The following SCNN1B variants were observed in gnomAD, a reference collection of about 807,000 sequenced individuals.
SCNN1B encodes the protein epithelial sodium channel subunit beta.
Under a neutral mutation model 65.3 loss-of-function variants are expected in SCNN1B, and 46 were observed. The ratio of observed to expected loss-of-function variants is 0.70; its 90% CI spans 0.56 to 0.90. SCNN1B has a LOEUF of 0.90. Among genes scored for constraint, SCNN1B ranks in the 40% least tolerant of loss-of-function variants. SCNN1B has a pLI of 0.00. For missense variants in SCNN1B, 751 were observed against 830.5 expected (o/e 0.90, Z 1.18); for synonymous variants, 349 against 330.6 (o/e 1.06, Z -0.60).
At position 23,370,446 on chromosome 16, in the gene SCNN1B, G is replaced by A. The variant is rs532828816; in HGVS notation, c.881-853G>A. Among the ~76,000 whole-genome samples the A allele has an allele frequency of 7.2e-5, 11 of 152,254 alleles. No individual in the cohort carries two copies. The South Asian group carries it at 1.2e-3, about 17-fold the overall frequency. On this transcript the variant is annotated intron_variant, in intron 5 of 12. Coordinates refer to ENST00000343070, the MANE Select transcript of SCNN1B (RefSeq NM_000336.3). ...AATGAGGCCCTTAGCACATCACCCC[G>A]CAGGTAGCAAGTGCTCAACTAGCCC...
intron 1 of SCNN1B, among the ~76,000 whole-genome samples, chr16:23,326,854 A>T (rs1961707453): frequency 6.6e-6 from 1 of 152,092 alleles, no homozygotes; most frequent in Non-Finnish European, 1.5e-5. Context: ...CTGGGTTTTC[A>T]GTGTAACAGT....
At chr16:23,374,631 G>C (rs1182374786) in intron 7 of SCNN1B, among the ~76,000 whole-genome samples, 4 of 150,348 alleles carry the variant, frequency 2.7e-5, no homozygotes, top group South Asian at 2.1e-4. Context: ...ACCGAGCTCT[G>C]GCTCCTCCTG....
chr16:23,367,150 G>A (rs962177742), intron 4 of SCNN1B, among the ~76,000 whole-genome samples: 2 of 152,122 alleles, frequency 1.3e-5, no homozygotes, highest in African/African-American at 2.4e-5. Context: ...ACCTCATCTC[G>A]AGATCCTTAG....
At chr16:23,292,031 GCAAATTACGT>G (rs1396357800) in intron 2 of SCNN1B, among the ~76,000 whole-genome samples, 3 of 151,798 alleles carry the variant, frequency 2.0e-5, no homozygotes, top group Non-Finnish European at 2.9e-5. Context: ...CAATTCTTCA[GCAAATTACGT>G]CAACTCTTCC....
chr16:23,321,234 G>A (rs2141994348), intron 1 of SCNN1B, among the ~76,000 whole-genome samples: 1 of 152,166 alleles, frequency 6.6e-6, no homozygotes, highest in East Asian at 1.9e-4. Flanking sequence ...TACAGACTGG[G>A]TTTCACCATG....
At chr16:23,366,314 A>G (rs1596878153) in intron 4 of SCNN1B, among the ~76,000 whole-genome samples, 2 of 152,240 alleles carry the variant, frequency 1.3e-5, no homozygotes, top group East Asian at 3.9e-4. Context: ...CAGGTGATCA[A>G]TCCACATCAG....
intron 4 of SCNN1B, among the ~76,000 whole-genome samples, chr16:23,365,547 AAGAAGGAAAGAG>A (rs1962637054): frequency 9.3e-6 from 1 of 108,060 alleles, no homozygotes; most frequent in East Asian, 2.7e-4. Flanking sequence ...AGGAAAGAGA[AAGAAGGAAAGAG>A]AAAGAAAGAA....
chr16:23,306,663 AG>A (rs1211571413), intron 1 of SCNN1B, among the ~76,000 whole-genome samples: 3 of 152,332 alleles, frequency 2.0e-5, no homozygotes, highest in East Asian at 3.9e-4. Flanking sequence ...GGGCTTTTTA[AG>A]GTGGGTTTTA....
rs995687895 is a variant in SCNN1B, at chr16:23,380,780, C to T, written c.1902C>T (p.Asp634=). 1.9e-6 allele frequency: 3 copies of T among 1,612,382 alleles called. No individual in the cohort carries two copies. Among genetic ancestry groups the T allele is most frequent in the Non-Finnish European group, 2.5e-6 (3 of 1,179,978 alleles). The part of the protein sequence containing the change: ...RLQPLDVIES[D]SEGDAI ...AGCCGCTGGACGTCATCGAGTCTGA[C>T]AGTGAGGGTGATGCCATCTAACCCT... Residue 634 remains aspartate, a synonymous_variant, in exon 13 of 13, where the codon GAC becomes GAT. Transcript: ENST00000343070. The surrounding 1 kb of genome is among the most constrained non-coding windows in gnomAD (Gnocchi z 5.4).
At chr16:23,283,256 C>T (rs1567283571) in intron 1 of SCNN1B, among the ~76,000 whole-genome samples, 3 of 152,146 alleles carry the variant, frequency 2.0e-5, no homozygotes, top group Non-Finnish European at 4.4e-5. Flanking sequence ...ACCAAAAAGA[C>T]AAAAATTAGC....
intron 7 of SCNN1B, among the ~76,000 whole-genome samples, chr16:23,372,495 C>T (rs1962805158): frequency 7.1e-6 from 1 of 140,790 alleles, no homozygotes; most frequent in East Asian, 2.3e-4. Flanking sequence ...CCTGAGAAGT[C>T]CCTTTTTTTT....
Position 23,310,174 on chromosome 16 carries a change from T to G in SCNN1B, c.-9+7737T>G, listed in dbSNP as rs12924982. ...AGAGGATTGCTTGAGGCCAGGAGCT[T>G]GAGACCAGCCTGGGCAGCATAGTGA... On this transcript the variant is annotated intron_variant, in intron 1 of 12. Coordinates refer to ENST00000343070, the MANE Select transcript of SCNN1B (RefSeq NM_000336.3). 5.4e-3 allele frequency among the ~76,000 whole-genome samples: 823 copies of G among 151,698 alleles called. 3 individuals are homozygous for G. Among genetic ancestry groups the G allele is most frequent in the Non-Finnish European group, 9.6e-3 (651 of 67,964 alleles).
chr16:23,302,676 G>T (rs1961110155), intron 1 of SCNN1B, among the ~76,000 whole-genome samples: 1 of 152,164 alleles, frequency 6.6e-6, no homozygotes, highest in Non-Finnish European at 1.5e-5. Flanking sequence ...GAAGGCAGAC[G>T]GGGCCAGGGT....
At chr16:23,309,301 C>T (rs1961287654) in intron 1 of SCNN1B, among the ~76,000 whole-genome samples, 1 of 151,948 alleles carries the variant, frequency 6.6e-6, no homozygotes, top group Non-Finnish European at 1.5e-5. Flanking sequence ...TGAAGACTGC[C>T]CCTGACAGCT....
At chr16:23,351,581 C>T (rs557544265) in intron 2 of SCNN1B, among the ~76,000 whole-genome samples, 49 of 152,218 alleles carry the variant, frequency 3.2e-4, no homozygotes, top group Non-Finnish European at 5.9e-4. Flanking sequence ...TGTACCAGGA[C>T]CTTGGCCTCT....
chr16:23,287,991 CAA>C (rs113127053), intron 2 of SCNN1B, among the ~76,000 whole-genome samples: 17 of 114,590 alleles, frequency 1.5e-4, no homozygotes, highest in Middle Eastern at 4.6e-3. Flanking sequence ...CCCATCTCTA[CAA>C]AAAAAAAAAA....
At position 23,348,990 on chromosome 16, in the gene SCNN1B, TTTCCTTCCTTTCC is replaced by T; in HGVS notation, c.311+88_311+100del. 1.9e-6 allele frequency: 2 copies of T among 1,058,054 alleles called. No homozygotes were observed. The highest frequency in any genetic ancestry group is 2.9e-6 in the Non-Finnish European group (2 of 681,522). 65.5% of individuals were successfully genotyped at this position (1,058,054 alleles called of 1,614,324 possible). A position where few individuals can be genotyped will look rare whatever the true frequency, so the allele number is the denominator to read the frequency against. ...CTCTTTTCTTCCCTTCTACCTTTCCTTTCCTTCCTTTCCTTCCTTCTCCTTTCTCTCCTTCTCT... is the reference window on the plus strand; with the variant it reads ...CTCTTTTCTTCCCTTCTACCTTTCCTTTCCTTCTCCTTTCTCTCCTTCTCT... On this transcript the variant is annotated intron_variant, in intron 2 of 12. Coordinates refer to ENST00000343070, the MANE Select transcript of SCNN1B (RefSeq NM_000336.3). This position sits in a 1 kb window ranked among gnomAD's most constrained non-coding sequence, Gnocchi z 4.5.
intron 2 of SCNN1B, among the ~76,000 whole-genome samples, chr16:23,289,178 C>A (rs1027224960): frequency 1.3e-5 from 2 of 152,198 alleles, no homozygotes; most frequent in South Asian, 2.1e-4. Flanking sequence ...TAGCACCCTT[C>A]GAAGATGACT....
intron 10 of SCNN1B, among the ~76,000 whole-genome samples, 188 bp downstream of exon 10, chr16:23,377,574 C>CCCTTCCTCCATTCCTTCTCCCTT (rs1962929588): frequency 2.4e-5 from 3 of 125,062 alleles, no homozygotes; most frequent in Non-Finnish European, 5.1e-5. Context: ...CCTCTCTTTT[C>CCCTTCCTCCATTCCTTCTCCCTT]CCTTCCTCCC....
Sources: allele counts gnomAD v4.1 joint callset (sites outside exome capture counted in the v4.1 genomes callset), GRCh38; gene constraint gnomAD v4.1.1; non-coding constraint Gnocchi (gnomAD v3.1); transcripts MANE v1.5; gene names NCBI Gene and HGNC (gene_info 2026-07-23, HGNC 2026-07-21).